The following LOC400499 variants were observed in gnomAD, a reference collection of about 807,000 sequenced individuals.
At chr16:11,456,790 G>C in the LOC400499 span, 1 of 1,503,400 alleles carries the variant, frequency 6.7e-7, no homozygotes, top group Non-Finnish European at 9.0e-7. Flanking sequence ...AGGAGGCATA[G>C]CTTGAGCAAA....
the LOC400499 span, chr16:11,424,257 G>C: frequency 0.26 from 104,875 of 399,026 alleles, 14,176 homozygotes; most frequent in Middle Eastern, 0.33. Context: ...GTCTAGCTGA[G>C]CCCCCGCGTT....
chr16:11,443,777 C>T, the LOC400499 span, among the ~76,000 whole-genome samples: 2 of 152,014 alleles, frequency 1.3e-5, no homozygotes, highest in Non-Finnish European at 2.9e-5. Flanking sequence ...AGTTTCACCC[C>T]TAGGGAGCCA....
At chr16:11,477,707 T>C in the LOC400499 span, 3 of 396,112 alleles carry the variant, frequency 7.6e-6, no homozygotes, top group African/African-American at 4.1e-5. Flanking sequence ...GCACAGGTGT[T>C]CTGCAGAATA....
the LOC400499 span, among the ~76,000 whole-genome samples, chr16:11,380,029 C>T: frequency 6.6e-6 from 1 of 152,158 alleles, no homozygotes; most frequent in Non-Finnish European, 1.5e-5. Context: ...ATTATCACAG[C>T]TCAATGTAAC....
chr16:11,520,185 T>A, the LOC400499 span, among the ~76,000 whole-genome samples: 1 of 152,214 alleles, frequency 6.6e-6, no homozygotes, highest in Non-Finnish European at 1.5e-5. Context: ...TGTACAACGA[T>A]GTGAAAGTAC....
At chr16:11,420,110 C>T in the LOC400499 span, among the ~76,000 whole-genome samples, 4 of 147,952 alleles carry the variant, frequency 2.7e-5, no homozygotes, top group African/African-American at 1.0e-4. Flanking sequence ...ACCCAAAGGA[C>T]TATAAATCAT....
At chr16:11,393,570 G>A in the LOC400499 span, 15 of 1,232,242 alleles carry the variant, frequency 1.2e-5, no homozygotes, top group Non-Finnish European at 1.4e-5. Context: ...CTGGGAGGGG[G>A]AAGGCAGAGG....
chr16:11,401,434 G>A, the LOC400499 span: 1 of 399,352 alleles, frequency 2.5e-6, no homozygotes, highest in Admixed American at 4.4e-5. Flanking sequence ...CTCAGCCAGT[G>A]GCCTTGCCCA....
chr16:11,455,855 T>C, the LOC400499 span, among the ~76,000 whole-genome samples: 1 of 152,136 alleles, frequency 6.6e-6, no homozygotes, highest in Admixed American at 6.5e-5. Flanking sequence ...GATTAAACTT[T>C]ATAAACTTTA....
At chr16:11,460,628 G>C in the LOC400499 span, 2 of 1,517,674 alleles carry the variant, frequency 1.3e-6, no homozygotes, top group South Asian at 1.2e-5. Flanking sequence ...GATCAACCCA[G>C]AGACCCCTGC....
chr16:11,440,576 C>A, the LOC400499 span: 1 of 397,206 alleles, frequency 2.5e-6, no homozygotes, highest in Non-Finnish European at 4.4e-6. Flanking sequence ...ACTAATCACA[C>A]ACACACTGCC....
At chr16:11,457,123 C>G in the LOC400499 span, 2 of 1,369,318 alleles carry the variant, frequency 1.5e-6, no homozygotes, top group African/African-American at 2.9e-5. Context: ...GAGGCAGCAG[C>G]GAGCCAAGAT....
chr16:11,481,952 TG>T, the LOC400499 span, among the ~76,000 whole-genome samples: 179 of 152,234 alleles, frequency 1.2e-3, 1 homozygote, highest in Middle Eastern at 0.01. Flanking sequence ...CACGTTAAAA[TG>T]GTTATTTTTA....
chr16:11,447,972 G>C, the LOC400499 span: 1 of 1,536,060 alleles, frequency 6.5e-7, no homozygotes, highest in Non-Finnish European at 8.7e-7. Context: ...ACAATGTCCT[G>C]TCTTGCCTCA....
At chr16:11,522,734 C>G in the LOC400499 span, among the ~76,000 whole-genome samples, 2 of 152,184 alleles carry the variant, frequency 1.3e-5, no homozygotes, top group Non-Finnish European at 2.9e-5. Context: ...GACTACTCAC[C>G]TATCATCTTG....
the LOC400499 span, among the ~76,000 whole-genome samples, chr16:11,434,273 G>C: frequency 2.0e-5 from 3 of 152,188 alleles, no homozygotes; most frequent in Non-Finnish European, 4.4e-5. Context: ...TGCAGTCCTG[G>C]CATGTTGGGA....
the LOC400499 span, among the ~76,000 whole-genome samples, chr16:11,426,707 T>C: frequency 4.2e-4 from 63 of 150,096 alleles, no homozygotes; most frequent in Middle Eastern, 7.0e-3. Flanking sequence ...GGTAGGAGGA[T>C]TGTTTAAGCT....
chr16:11,509,480 C>CA, the LOC400499 span, among the ~76,000 whole-genome samples: 6 of 151,810 alleles, frequency 4.0e-5, no homozygotes, highest in Admixed American at 1.3e-4. Flanking sequence ...TAAAGATCTC[C>CA]AAGCCATCGA....
the LOC400499 span, among the ~76,000 whole-genome samples, chr16:11,459,020 G>A: frequency 1.5e-4 from 23 of 151,666 alleles, no homozygotes; most frequent in Middle Eastern, 3.4e-3. Context: ...CTGGGCGACA[G>A]AGCGAGACTC....
Sources: allele counts gnomAD v4.1 joint callset (sites outside exome capture counted in the v4.1 genomes callset), GRCh38; gene constraint gnomAD v4.1.1; transcripts MANE v1.5.